Variants in ADGRB3 observed in about 807,000 individuals in gnomAD.
ADGRB3 encodes adhesion G protein-coupled receptor B3.
ADGRB3 carries 37 observed loss-of-function variants against 193.4 expected under a neutral mutation model. The observed-to-expected ratio is 0.19, with a 90% CI of 0.15 to 0.25. ADGRB3 has a LOEUF of 0.25. Among genes scored for constraint, ADGRB3 ranks in the 10% least tolerant of loss-of-function variants. The pLI is 1.00. For synonymous variants in ADGRB3, 690 were observed against 644.2 expected, an observed-to-expected ratio of 1.07 and a Z score of -1.08; for missense variants, 1,637 against 1,852.9, an observed-to-expected ratio of 0.88 and a Z score of 2.14.
intron 17 of ADGRB3, among the ~76,000 whole-genome samples, chr6:69,133,489 C>G (rs1216742253): frequency 6.6e-6 from 1 of 151,810 alleles, no homozygotes; most frequent in African/African-American, 2.4e-5. Context: ...GCCTACCAAC[C>G]AAAAAACACC....
chr6:69,278,456 C>T (rs1399267155), intron 20 of ADGRB3, among the ~76,000 whole-genome samples: 1 of 152,060 alleles, frequency 6.6e-6, no homozygotes, highest in Non-Finnish European at 1.5e-5. Flanking sequence ...ATTAGTATTC[C>T]TCTGTTATCT....
At chr6:69,106,865 A>G (rs1319948474) in intron 17 of ADGRB3, among the ~76,000 whole-genome samples, 1 of 152,232 alleles carries the variant, frequency 6.6e-6, no homozygotes, top group East Asian at 1.9e-4. Context: ...AGAGTCTTCT[A>G]CTAGGGCAGC....
intron 3 of ADGRB3, among the ~76,000 whole-genome samples, chr6:68,815,155 G>T (rs1205267250): frequency 6.6e-6 from 1 of 152,056 alleles, no homozygotes; most frequent in African/African-American, 2.4e-5. Context: ...AGGCAGGAAT[G>T]CTTTGTTTCA....
intron 3 of ADGRB3, among the ~76,000 whole-genome samples, chr6:68,836,085 C>T (rs977265063): frequency 4.6e-5 from 7 of 152,020 alleles, no homozygotes; most frequent in Admixed American, 2.6e-4. Context: ...TCTAGTATAT[C>T]GAAAACACAG....
intron 20 of ADGRB3, among the ~76,000 whole-genome samples, chr6:69,322,552 A>T (rs1429020961): frequency 6.6e-6 from 1 of 151,826 alleles, no homozygotes; most frequent in Non-Finnish European, 1.5e-5. Flanking sequence ...ATTCTGACTG[A>T]TATGAGATGG....
At chr6:69,271,368 A>C (rs773804223) in intron 20 of ADGRB3, among the ~76,000 whole-genome samples, 4 of 152,220 alleles carry the variant, frequency 2.6e-5, no homozygotes, top group Non-Finnish European at 5.9e-5. Context: ...TGAATGGCTC[A>C]GTGAATTAAA....
At chr6:69,328,379 G>A (rs16900647) in intron 22 of ADGRB3, among the ~76,000 whole-genome samples, 206 of 152,244 alleles carry the variant, frequency 1.4e-3, no homozygotes, top group African/African-American at 4.5e-3. Context: ...TACTTGGACC[G>A]TGGAAGAAAT....
At chr6:69,067,954 A>G (rs777018391) in intron 16 of ADGRB3, among the ~76,000 whole-genome samples, 1 of 152,178 alleles carries the variant, frequency 6.6e-6, no homozygotes, top group Non-Finnish European at 1.5e-5. Flanking sequence ...TTTTTTAGAT[A>G]AGAGTCAGAT....
At chr6:69,070,379 A>G (rs1772045685) in intron 16 of ADGRB3, among the ~76,000 whole-genome samples, 1 of 152,150 alleles carries the variant, frequency 6.6e-6, no homozygotes, top group African/African-American at 2.4e-5. Context: ...GGGTACAATG[A>G]GAGGTTTTGA....
intron 3 of ADGRB3, among the ~76,000 whole-genome samples, chr6:68,825,146 T>G (rs12528362): frequency 0.13 from 20,325 of 152,114 alleles, 1,487 homozygotes; most frequent in African/African-American, 0.17. Flanking sequence ...CTTGAGCCAC[T>G]GTGCCCCGCC....
intron 3 of ADGRB3, among the ~76,000 whole-genome samples, chr6:68,700,085 G>A (rs767360498): frequency 3.9e-5 from 6 of 152,062 alleles, no homozygotes; most frequent in Non-Finnish European, 7.4e-5. Context: ...AAAAGAACAG[G>A]TAAATAAACA....
intron 28 of ADGRB3, among the ~76,000 whole-genome samples, chr6:69,358,350 C>G (rs1376228055): frequency 1.3e-5 from 2 of 151,882 alleles, no homozygotes; most frequent in African/African-American, 4.8e-5. Flanking sequence ...TTGAGTACCA[C>G]TGTATTAGAC....
chr6:69,255,944 A>T (rs1413039179), intron 20 of ADGRB3, among the ~76,000 whole-genome samples: 1 of 152,136 alleles, frequency 6.6e-6, no homozygotes, highest in Non-Finnish European at 1.5e-5. Flanking sequence ...TCCCAGCACC[A>T]TTTATTAAAT....
chr6:69,372,789 G>T (rs981907767), intron 30 of ADGRB3, among the ~76,000 whole-genome samples: 3 of 151,946 alleles, frequency 2.0e-5, no homozygotes, highest in African/African-American at 7.2e-5. Flanking sequence ...CAATTTTCTT[G>T]GTTTTACTTC....
chr6:69,322,727 G>A (rs150510820), intron 20 of ADGRB3, among the ~76,000 whole-genome samples: 17 of 151,916 alleles, frequency 1.1e-4, no homozygotes, highest in East Asian at 5.8e-4. Context: ...TAGTTTTTGC[G>A]ATGCTCTTTA....
At chr6:68,931,872 T>G (rs1767346836) in intron 4 of ADGRB3, among the ~76,000 whole-genome samples, 1 of 152,306 alleles carries the variant, frequency 6.6e-6, no homozygotes, top group East Asian at 1.9e-4. Context: ...TTTTTTGAGA[T>G]ATATATTGCA....
chr6:69,075,094 A>T (rs1380911145), intron 16 of ADGRB3, among the ~76,000 whole-genome samples: 2 of 152,242 alleles, frequency 1.3e-5, no homozygotes, highest in Non-Finnish European at 2.9e-5. Flanking sequence ...TTGCATTATT[A>T]GGAAGAGAGC....
chr6:69,171,821 A>G (rs1715382660), intron 17 of ADGRB3, among the ~76,000 whole-genome samples: 1 of 152,198 alleles, frequency 6.6e-6, no homozygotes, highest in Non-Finnish European at 1.5e-5. Context: ...ATCCTGTGGA[A>G]GATGTTGCTA....
At chr6:69,347,668 C>T (rs1769130876) in intron 26 of ADGRB3, among the ~76,000 whole-genome samples, 1 of 151,838 alleles carries the variant, frequency 6.6e-6, no homozygotes, top group Non-Finnish European at 1.5e-5. Flanking sequence ...ACCTGTATTA[C>T]CAGCTATTCA....
Sources: allele counts gnomAD v4.1 joint callset (sites outside exome capture counted in the v4.1 genomes callset), GRCh38; gene constraint gnomAD v4.1.1; transcripts MANE v1.5; gene names NCBI Gene and HGNC (gene_info 2026-07-23, HGNC 2026-07-21).